BNC2: variants seen among roughly 807,000 people sequenced by gnomAD.
BNC2 encodes the protein basonuclin zinc finger protein 2, also known as zinc finger protein basonuclin-2.
A neutral mutation model predicts 76.3 loss-of-function variants in BNC2; 20 were observed. The ratio of observed to expected loss-of-function variants is 0.26; its 90% CI spans 0.18 to 0.38. The LOEUF (loss-of-function observed/expected upper bound fraction) is 0.38. Ranked by LOEUF, BNC2 falls within the 10% of genes least tolerant of loss-of-function variation. The pLI is 1.00. For synonymous variants in BNC2, 582 were observed against 514.8 expected, an observed-to-expected ratio of 1.13 and a Z score of -1.77; for missense variants, 1,382 against 1,399.8, an observed-to-expected ratio of 0.99 and a Z score of 0.20.
chr9:16,583,122 T>C (rs757061482), intron 3 of BNC2, 37 bp from the exon 4 acceptor site: 1 of 1,514,474 alleles, frequency 6.6e-7, no homozygotes, highest in Non-Finnish European at 9.2e-7. Flanking sequence ...TCAGCATCTG[T>C]TCAAAGATAC....
chr9:16,829,618 G>T (rs1206708431), intron 1 of BNC2, among the ~76,000 whole-genome samples: 2 of 152,150 alleles, frequency 1.3e-5, no homozygotes, highest in Non-Finnish European at 2.9e-5. Context: ...CAAAGAGGAG[G>T]ATTTAGATCT....
chr9:16,537,807 T>C (rs1021923456), intron 5 of BNC2, among the ~76,000 whole-genome samples: 7 of 152,204 alleles, frequency 4.6e-5, no homozygotes, highest in Admixed American at 2.0e-4. Flanking sequence ...ATGCTCAGGA[T>C]GCTGTTTGGG....
chr9:16,541,731 G>C (rs1051824507), intron 5 of BNC2, among the ~76,000 whole-genome samples: 1 of 152,142 alleles, frequency 6.6e-6, no homozygotes, highest in African/African-American at 2.4e-5. Flanking sequence ...AAAATAAACA[G>C]ACTTCATATT....
At chr9:16,776,452 T>G (rs1216429012) in intron 1 of BNC2, among the ~76,000 whole-genome samples, 2 of 152,206 alleles carry the variant, frequency 1.3e-5, no homozygotes, top group African/African-American at 4.8e-5. Flanking sequence ...CTTGATTTAT[T>G]TAAATTCAGA....
intron 3 of BNC2, among the ~76,000 whole-genome samples, chr9:16,689,582 G>A (rs1000613879): frequency 3.1e-4 from 47 of 152,146 alleles, no homozygotes; most frequent in African/African-American, 1.0e-3. Context: ...TGTTTTGGTG[G>A]CTTCAGTCTG....
In BNC2 at chr9:16,702,614, A is replaced by G. The variant is rs116200964; in HGVS notation, c.330+25183T>C. ...TAGAGATAAATGAAGAACCTAAAAC[A>G]TTTTATTTAAACTTATTCCCCTACC... On this transcript the variant is annotated intron_variant, in intron 3 of 6. Transcript: ENST00000380672. Among the ~76,000 whole-genome samples the G allele has an allele frequency of 3.8e-3, 437 of 116,264 alleles. 3 individuals carry two copies. Among genetic ancestry groups the G allele is most frequent in the African/African-American group, 0.011 (422 of 38,896 alleles). The allele number at this position is 116,264 out of a possible 152,430, so 76.3% of individuals were successfully genotyped here. A position where few individuals can be genotyped will look rare whatever the true frequency, so the allele number is the denominator to read the frequency against.
At chr9:16,544,715 C>T (rs1818424011) in intron 5 of BNC2, among the ~76,000 whole-genome samples, 1 of 150,634 alleles carries the variant, frequency 6.6e-6, no homozygotes, top group African/African-American at 2.4e-5. Flanking sequence ...GAGGCTGAGG[C>T]AGGAGAATCA....
chr9:16,594,692 A>C (rs529600617), intron 3 of BNC2, among the ~76,000 whole-genome samples: 1 of 152,262 alleles, frequency 6.6e-6, no homozygotes, highest in East Asian at 1.9e-4. Flanking sequence ...CATTTCAAAT[A>C]CATTCTTGTA....
chr9:16,762,963 T>C (rs1207031866), intron 1 of BNC2, among the ~76,000 whole-genome samples: 1 of 152,070 alleles, frequency 6.6e-6, no homozygotes, highest in African/African-American at 2.4e-5. Context: ...GTGTACATAA[T>C]AGAAAATCAA....
At chr9:16,650,415 T>C (rs1298401440) in intron 3 of BNC2, among the ~76,000 whole-genome samples, 2 of 152,218 alleles carry the variant, frequency 1.3e-5, no homozygotes, top group Non-Finnish European at 2.9e-5. Flanking sequence ...TTACCTATTC[T>C]TTAAAGAAAA....
intron 5 of BNC2, among the ~76,000 whole-genome samples, chr9:16,442,828 G>A (rs573801272): frequency 8.3e-4 from 127 of 152,140 alleles, no homozygotes; most frequent in Non-Finnish European, 1.3e-3. Context: ...ATAAGCAGCC[G>A]GGCACGGTGA....
At chr9:16,794,892 T>G (rs976471555) in intron 1 of BNC2, among the ~76,000 whole-genome samples, 1 of 136,416 alleles carries the variant, frequency 7.3e-6, no homozygotes, top group Non-Finnish European at 1.5e-5. Flanking sequence ...ACAGCTTATC[T>G]GATGGGGGAA....
At chr9:16,798,434 A>C (rs1280735373) in intron 1 of BNC2, among the ~76,000 whole-genome samples, 1 of 152,180 alleles carries the variant, frequency 6.6e-6, no homozygotes, top group Admixed American at 6.5e-5. Context: ...CAACTACCCT[A>C]AAGGAAAATA....
Position 16,716,973 on chromosome 9 carries a change from T to C in BNC2, c.330+10824A>G, listed in dbSNP as rs572040113. 3.9e-5 allele frequency among the ~76,000 whole-genome samples: 6 copies of C among 152,300 alleles called. No homozygotes were observed. In the South Asian group the frequency reaches 1.2e-3, roughly 32 times the overall value. On this transcript the variant is annotated intron_variant, in intron 3 of 6. Transcript: ENST00000380672. Reference sequence around the variant, plus strand: ...TCACAAAATCATAATGATCATACTGTAGCATTCCTTAACTCCTAGGTGAAT... The same window carrying C: ...TCACAAAATCATAATGATCATACTGCAGCATTCCTTAACTCCTAGGTGAAT...
At chr9:16,556,286 G>A (rs1004145336) in intron 4 of BNC2, among the ~76,000 whole-genome samples, 1 of 151,928 alleles carries the variant, frequency 6.6e-6, no homozygotes, top group African/African-American at 2.4e-5. Context: ...GTAAGACCCT[G>A]TCTCCAAAAA....
intron 1 of BNC2, among the ~76,000 whole-genome samples, chr9:16,776,676 C>A (rs891064320): frequency 5.3e-5 from 8 of 152,144 alleles, no homozygotes; most frequent in South Asian, 2.1e-4. Context: ...TGAAAGAAAG[C>A]AAGCACTCTC....
chr9:16,804,077 C>A lies in BNC2; in HGVS notation c.4-65592G>T, dbSNP rs555267135. ...CTTTCAGGCTTCTGCCTGCTCCACG[C>A]TAAAGAAAATGATGTACAGAACTAT... On this transcript the variant is annotated intron_variant, in intron 1 of 6. Coordinates refer to ENST00000380672, the MANE Select transcript of BNC2 (RefSeq NM_017637.6). 3.0e-4 allele frequency among the ~76,000 whole-genome samples: 46 copies of A among 152,280 alleles called. 1 individual carries two copies. The South Asian group carries it at 9.1e-3, about 30-fold the overall frequency.
chr9:16,630,034 T>A (rs1015766796), intron 3 of BNC2, among the ~76,000 whole-genome samples: 6 of 152,186 alleles, frequency 3.9e-5, no homozygotes, highest in African/African-American at 1.2e-4. Flanking sequence ...AAAATTGGAG[T>A]CAATTCTTTC....
chr9:16,507,564 G>A (rs1054879197), intron 5 of BNC2, among the ~76,000 whole-genome samples: 4 of 152,132 alleles, frequency 2.6e-5, no homozygotes, highest in African/African-American at 9.7e-5. Context: ...GAGTAGCTGG[G>A]ACTACAGGCA....
Sources: allele counts gnomAD v4.1 joint callset (sites outside exome capture counted in the v4.1 genomes callset), GRCh38; gene constraint gnomAD v4.1.1; transcripts MANE v1.5; gene names NCBI Gene and HGNC (gene_info 2026-07-23, HGNC 2026-07-21).